The following MRTFA variants were observed in gnomAD, a reference collection of about 807,000 sequenced individuals.
MRTFA encodes the protein myocardin-related transcription factor A.
MRTFA carries 20 observed loss-of-function variants against 83.5 expected under a neutral mutation model. That is an observed-to-expected ratio of 0.24 (90% confidence interval 0.17 to 0.35). MRTFA has a LOEUF of 0.35. Ranked by LOEUF, MRTFA falls within the 10% of genes least tolerant of loss-of-function variation. The probability of loss-of-function intolerance (pLI) is 1.00; values close to 1 mark genes in which losing one functional copy is unlikely to be tolerated. For missense variants in MRTFA, 1,200 were observed against 1,224.7 expected (o/e 0.98, Z 0.30); for synonymous variants, 659 against 541.2 (o/e 1.22, Z -3.02).
At chr22:40,532,039 A>G (rs1311403948) in intron 3 of MRTFA, among the ~76,000 whole-genome samples, 3 of 152,210 alleles carry the variant, frequency 2.0e-5, no homozygotes, top group African/African-American at 4.8e-5. Flanking sequence ...TGTCAATTTC[A>G]TTTCACCTAC....
chr22:40,438,881 G>T (rs1163081176), intron 4 of MRTFA, among the ~76,000 whole-genome samples: 1 of 152,136 alleles, frequency 6.6e-6, no homozygotes, highest in Non-Finnish European at 1.5e-5. Flanking sequence ...TACTCTATAT[G>T]AATTCCTATT....
At chr22:40,587,942 T>A (rs2056056447) in intron 2 of MRTFA, 2 of 387,100 alleles carry the variant, frequency 5.2e-6, no homozygotes, top group Non-Finnish European at 5.0e-6. Flanking sequence ...AGTGACATTT[T>A]TGCCAGATGA....
intron 1 of MRTFA, among the ~76,000 whole-genome samples, chr22:40,603,955 T>C (rs2056289094): frequency 6.6e-6 from 1 of 151,826 alleles, no homozygotes; most frequent in Non-Finnish European, 1.5e-5. Context: ...ATGGTGGTGG[T>C]TCATTGCATT....
At chr22:40,621,541 G>A (rs972503922) in intron 1 of MRTFA, among the ~76,000 whole-genome samples, 6 of 152,140 alleles carry the variant, frequency 3.9e-5, no homozygotes, top group African/African-American at 1.2e-4. Context: ...GGAGATGAAC[G>A]GCGGTGATGG....
chr22:40,531,495 C>T (rs1490186983), intron 3 of MRTFA, among the ~76,000 whole-genome samples: 3 of 152,026 alleles, frequency 2.0e-5, no homozygotes, highest in African/African-American at 7.2e-5. Context: ...TGGAACTTTG[C>T]TATCATATTC....
At chr22:40,559,477 T>C (rs1213546928) in intron 2 of MRTFA, among the ~76,000 whole-genome samples, 2 of 152,108 alleles carry the variant, frequency 1.3e-5, no homozygotes, top group Non-Finnish European at 2.9e-5. Context: ...TAGAGTGCAA[T>C]GGAATGATCA....
Position 40,559,138 on chromosome 22 carries a change from C to T in MRTFA, c.-21-6771G>A, listed in dbSNP as rs576311250. 8.8e-4 allele frequency among the ~76,000 whole-genome samples: 134 copies of T among 152,240 alleles called. 1 individual carries two copies. In the Middle Eastern group the frequency reaches 0.02, roughly 23 times the overall value. ...GCGCGATGGCTCACACCTGTAATCC[C>T]CAGCAGTTGGGGAGGCCAAGGTGGG... On this transcript the variant is annotated intron_variant, in intron 2 of 14. Transcript: ENST00000355630.
At chr22:40,562,125 G>A (rs975393194) in intron 2 of MRTFA, among the ~76,000 whole-genome samples, 1 of 151,966 alleles carries the variant, frequency 6.6e-6, no homozygotes, top group South Asian at 2.1e-4. Flanking sequence ...GCTGAGGCCG[G>A]AGAACGGCGT....
intron 3 of MRTFA, among the ~76,000 whole-genome samples, chr22:40,492,476 G>C (rs1416880138): frequency 6.6e-6 from 1 of 150,856 alleles, no homozygotes; most frequent in Non-Finnish European, 1.5e-5. Context: ...AGAGGAGAGG[G>C]TTCCCTTAGA....
Position 40,417,461 on chromosome 22 carries a change from GGCA to G in MRTFA, c.2394_2396del (p.Ala799del), listed in dbSNP as rs761038107. ...GCTCCAGGTCCATCTGGGCAGAGGG[GGCA>G]GGCGCTGGAGAGCCAGGCTGGGACG... On this transcript the variant is annotated inframe_deletion, in exon 13 of 15. Coordinates refer to ENST00000355630, the MANE Select transcript of MRTFA (RefSeq NM_020831.6). The G allele has an allele frequency of 1.3e-6, 2 of 1,596,456 alleles. No individual in the cohort carries two copies. The highest frequency in any genetic ancestry group is 4.5e-5 in the East Asian group (2 of 44,512).
At chr22:40,565,700 G>C (rs1410787225) in intron 2 of MRTFA, among the ~76,000 whole-genome samples, 2 of 152,118 alleles carry the variant, frequency 1.3e-5, no homozygotes, top group Non-Finnish European at 2.9e-5. Context: ...TAGTGGGAGA[G>C]ACATAAAAAT....
At chr22:40,474,151 A>G (rs766277714) in intron 3 of MRTFA, among the ~76,000 whole-genome samples, 17 of 152,214 alleles carry the variant, frequency 1.1e-4, no homozygotes, top group Non-Finnish European at 2.4e-4. Flanking sequence ...ACATAATACT[A>G]TTGTGTTAGG....
chr22:40,513,895 GA>G (rs1467441987), intron 3 of MRTFA, among the ~76,000 whole-genome samples: 3 of 151,774 alleles, frequency 2.0e-5, no homozygotes, highest in Admixed American at 1.3e-4. Flanking sequence ...CCAGGAGTTT[GA>G]GACCAGCCTG....
chr22:40,542,004 TTTTA>T (rs779239546), intron 3 of MRTFA, among the ~76,000 whole-genome samples: 3 of 152,014 alleles, frequency 2.0e-5, no homozygotes, highest in South Asian at 2.1e-4. Context: ...TTTTAAAGAT[TTTTA>T]TTTATTTATT....
chr22:40,558,388 T>C (rs1332722534), intron 2 of MRTFA, among the ~76,000 whole-genome samples: 1 of 151,066 alleles, frequency 6.6e-6, no homozygotes, highest in Non-Finnish European at 1.5e-5. Flanking sequence ...ATTACAGGAA[T>C]GAGCCACTGT....
chr22:40,626,303 T>C (rs2056581156), intron 1 of MRTFA, among the ~76,000 whole-genome samples: 1 of 151,828 alleles, frequency 6.6e-6, no homozygotes, highest in African/African-American at 2.4e-5. Flanking sequence ...ACTCGTTTTT[T>C]TTGAGATGAG....
intron 2 of MRTFA, among the ~76,000 whole-genome samples, chr22:40,571,264 C>T (rs916819730): frequency 6.6e-6 from 1 of 151,920 alleles, no homozygotes; most frequent in African/African-American, 2.4e-5. Context: ...CATACACAAA[C>T]ATTATCTCAG....
At chr22:40,582,118 C>G (rs2055956078) in intron 2 of MRTFA, among the ~76,000 whole-genome samples, 1 of 152,208 alleles carries the variant, frequency 6.6e-6, no homozygotes, top group African/African-American at 2.4e-5. Flanking sequence ...TACTTTCTGT[C>G]TCTACGGATT....
chr22:40,588,987 G>T (rs1410913873), intron 2 of MRTFA, among the ~76,000 whole-genome samples: 1 of 150,262 alleles, frequency 6.7e-6, no homozygotes, highest in Non-Finnish European at 1.5e-5. Flanking sequence ...TGTCTCAGGG[G>T]AAAAAAAAAG....
Sources: gnomAD v4.1 joint callset for allele counts (sites outside exome capture counted in the v4.1 genomes callset) on GRCh38, gnomAD v4.1.1 for gene constraint, MANE v1.5 for transcripts, NCBI Gene and HGNC (gene_info 2026-07-23, HGNC 2026-07-21) for gene names.